The following OTOGL variants were observed in gnomAD, a reference collection of about 807,000 sequenced individuals.
OTOGL encodes the protein otogelin-like protein.
In OTOGL, 285 loss-of-function variants were observed where a neutral mutation model predicts 318.5. The ratio of observed to expected loss-of-function variants is 0.89; its 90% CI spans 0.81 to 0.99. OTOGL has a LOEUF of 0.99. Among genes scored for constraint, OTOGL ranks in the 50% least tolerant of loss-of-function variants. The probability of loss-of-function intolerance (pLI) is 0.00; values close to 1 mark genes in which losing one functional copy is unlikely to be tolerated. For missense variants in OTOGL, 2,899 were observed against 2,845.6 expected, an observed-to-expected ratio of 1.02 and a Z score of -0.43; for synonymous variants, 987 against 936.5, an observed-to-expected ratio of 1.05 and a Z score of -0.99.
At chr12:80,317,054 A>G (rs1323662543) in intron 32 of OTOGL, among the ~76,000 whole-genome samples, 4 of 152,192 alleles carry the variant, frequency 2.6e-5, no homozygotes, top group Admixed American at 6.6e-5. Context: ...CTTTAGCACA[A>G]TGATTCTATA....
At chr12:80,121,465 TC>T (rs1174822124) in intron 1 of OTOGL, among the ~76,000 whole-genome samples, 11 of 152,188 alleles carry the variant, frequency 7.2e-5, no homozygotes, top group African/African-American at 2.6e-4. Flanking sequence ...AACTTCCTCA[TC>T]CTTAGACACC....
intron 11 of OTOGL, among the ~76,000 whole-genome samples, chr12:80,249,735 TG>T (rs1555284832): frequency 2.0e-5 from 3 of 152,188 alleles, no homozygotes; most frequent in South Asian, 2.1e-4. Context: ...TAAGGAAGCC[TG>T]GGCGATGGCG....
intron 7 of OTOGL, among the ~76,000 whole-genome samples, chr12:80,227,140 A>G (rs1462294014): frequency 6.6e-6 from 1 of 151,418 alleles, no homozygotes; most frequent in African/African-American, 2.4e-5. Context: ...ATTCTTGCCT[A>G]TTTTCCACTT....
At chr12:80,284,756 T>C (rs1565954130) in intron 26 of OTOGL, among the ~76,000 whole-genome samples, 1 of 152,226 alleles carries the variant, frequency 6.6e-6, no homozygotes. Flanking sequence ...TTTGTTTAAG[T>C]TCCTTGTAGA....
At chr12:80,226,440 T>A (rs1429055856) in intron 7 of OTOGL, among the ~76,000 whole-genome samples, 6 of 152,062 alleles carry the variant, frequency 3.9e-5, no homozygotes, top group African/African-American at 1.4e-4. Flanking sequence ...TTTTCCTAAC[T>A]CTCTACCTCT....
chr12:80,314,754 G>A (rs780611411), intron 32 of OTOGL, among the ~76,000 whole-genome samples: 13 of 151,900 alleles, frequency 8.6e-5, no homozygotes, highest in Non-Finnish European at 1.6e-4. Context: ...ATATATTTAT[G>A]GGGTACAATG....
chr12:80,154,814 G>A (rs1419234000), intron 1 of OTOGL, among the ~76,000 whole-genome samples: 1 of 152,168 alleles, frequency 6.6e-6, no homozygotes, highest in African/African-American at 2.4e-5. Context: ...TGTGATTGCT[G>A]GATCATATAG....
At chr12:80,160,069 C>T (rs1449857970) in intron 1 of OTOGL, among the ~76,000 whole-genome samples, 1 of 152,080 alleles carries the variant, frequency 6.6e-6, no homozygotes, top group African/African-American at 2.4e-5. Flanking sequence ...ACTGGATTCT[C>T]ATCTCTCATT....
chr12:80,288,289 G>A (rs770696347), intron 26 of OTOGL, among the ~76,000 whole-genome samples: 5 of 152,174 alleles, frequency 3.3e-5, no homozygotes, highest in South Asian at 4.1e-4. Context: ...ATGAGTTTCC[G>A]TTTGTAGGTA....
At chr12:80,375,797 T>C (rs774871049) in intron 57 of OTOGL, among the ~76,000 whole-genome samples, 2 of 152,068 alleles carry the variant, frequency 1.3e-5, no homozygotes, top group Non-Finnish European at 2.9e-5. Flanking sequence ...TACGTAAGAA[T>C]GGAAGGGCTA....
chr12:80,375,087 G>A (rs1210898648), intron 57 of OTOGL, among the ~76,000 whole-genome samples: 2 of 152,080 alleles, frequency 1.3e-5, no homozygotes, highest in Non-Finnish European at 2.9e-5. Flanking sequence ...CTCATCTGAC[G>A]TGAAAGGACT....
At chr12:80,158,622 G>A (rs1252300570) in intron 1 of OTOGL, among the ~76,000 whole-genome samples, 1 of 151,940 alleles carries the variant, frequency 6.6e-6, no homozygotes, top group South Asian at 2.1e-4. Context: ...TTCTTGATTT[G>A]ATTCTCAGCT....
rs572797412 is a variant in OTOGL at position 80,344,184 on chromosome 12, A to G, written c.5265+2022A>G. Among the ~76,000 whole-genome samples the G allele has an allele frequency of 3.4e-4, 52 of 152,346 alleles. No homozygotes were observed. The Middle Eastern group carries it at 0.017, about 50-fold the overall frequency. On this transcript the variant is annotated intron_variant, in intron 44 of 58. Transcript: ENST00000547103. ...GCACATAAACATGAAGAAATAGCAA[A>G]CACTTTAAAACTCATTCAGTACCAC...
At chr12:80,264,492 T>G (rs765986785) in intron 19 of OTOGL, among the ~76,000 whole-genome samples, 6 of 152,218 alleles carry the variant, frequency 3.9e-5, no homozygotes, top group Non-Finnish European at 7.3e-5. Flanking sequence ...ACACTGTGCA[T>G]TGTGCAGACA....
chr12:80,337,071 C>A, intron 42 of OTOGL, 67 bp downstream of exon 42: 3 of 1,190,794 alleles, frequency 2.5e-6, no homozygotes, highest in Non-Finnish European at 3.6e-6. Flanking sequence ...CAGTTATTTC[C>A]AATAAGAGGG....
chr12:80,140,001 C>T (rs893034695), intron 1 of OTOGL, among the ~76,000 whole-genome samples: 9 of 152,168 alleles, frequency 5.9e-5, no homozygotes, highest in African/African-American at 2.2e-4. Flanking sequence ...CATCATCATT[C>T]TCTTACCATG....
chr12:80,256,969 G>C (rs1882105784), intron 17 of OTOGL, among the ~76,000 whole-genome samples: 1 of 152,044 alleles, frequency 6.6e-6, no homozygotes, highest in African/African-American at 2.4e-5. Flanking sequence ...AACTAAATTG[G>C]TTTTGCTACA....
At chr12:80,353,026 G>C (rs1195764700) in intron 45 of OTOGL, among the ~76,000 whole-genome samples, 1 of 152,132 alleles carries the variant, frequency 6.6e-6, no homozygotes, top group Non-Finnish European at 1.5e-5. Context: ...ATGCCAACCA[G>C]ACTTGGGCTG....
At chr12:80,122,849 C>T (rs1309221479) in intron 1 of OTOGL, among the ~76,000 whole-genome samples, 1 of 152,036 alleles carries the variant, frequency 6.6e-6, no homozygotes, top group African/African-American at 2.4e-5. Flanking sequence ...TATGCAGTTG[C>T]TCTGCAAGTT....
Sources: allele counts gnomAD v4.1 joint callset (sites outside exome capture counted in the v4.1 genomes callset), GRCh38; gene constraint gnomAD v4.1.1; transcripts MANE v1.5; gene names NCBI Gene and HGNC (gene_info 2026-07-23, HGNC 2026-07-21).